The following SNTB1 variants were observed in gnomAD, a reference collection of about 807,000 sequenced individuals.
SNTB1 encodes syntrophin beta 1.
In SNTB1, 36 loss-of-function variants were observed where a neutral mutation model predicts 48.9. The ratio of observed to expected loss-of-function variants is 0.74; its 90% CI spans 0.56 to 0.97. The LOEUF is 0.97. Ranked by LOEUF, SNTB1 falls within the 50% of genes least tolerant of loss-of-function variation. The pLI, the probability that SNTB1 is intolerant of heterozygous loss-of-function variation, is 0.00. For synonymous variants in SNTB1, 299 were observed against 294.6 expected (o/e 1.01, Z -0.15); for missense variants, 786 against 703.4 (o/e 1.12, Z -1.33).
chr8:120,637,910 A>G, intron 2 of SNTB1: 1 of 226,296 alleles, frequency 4.4e-6, no homozygotes. Context: ...AAGGTAATGT[A>G]ATTTTCTAAA....
intron 1 of SNTB1, among the ~76,000 whole-genome samples, chr8:120,695,482 CA>C (rs1294726435): frequency 6.6e-6 from 1 of 152,198 alleles, no homozygotes; most frequent in East Asian, 1.9e-4. Flanking sequence ...CAGGAGGCTG[CA>C]AAGTCACTAC....
At chr8:120,687,751 T>C (rs530715336) in intron 2 of SNTB1, among the ~76,000 whole-genome samples, 120 of 152,368 alleles carry the variant, frequency 7.9e-4, no homozygotes, top group African/African-American at 2.9e-3. Context: ...TGTCTTCCAA[T>C]ACAGCCTGCT....
intron 2 of SNTB1, among the ~76,000 whole-genome samples, chr8:120,648,751 T>C (rs1293596531): frequency 6.6e-6 from 1 of 152,212 alleles, no homozygotes; most frequent in Non-Finnish European, 1.5e-5. Context: ...GGATAATATC[T>C]TGCAGAGTGT....
Position 120,636,862 on chromosome 8 carries a change from G to A in SNTB1, c.789-4211C>T, listed in dbSNP as rs148371464. 4.4e-4 allele frequency: 95 copies of A among 217,518 alleles called. No individual in the cohort carries two copies. The East Asian group carries it at 0.011, about 25-fold the overall frequency. The allele number at this position is 217,518 out of a possible 1,614,324, so 13.5% of individuals were successfully genotyped here. ...GAACTAGTTTACAGTCCCACCAACA[G>A]TGTAAAAGTAGAACTCAAGGCTTTT... On this transcript the variant is annotated intron_variant, in intron 2 of 6. Transcript: ENST00000517992.
intron 3 of SNTB1, among the ~76,000 whole-genome samples, chr8:120,603,073 T>C (rs906228962): frequency 6.6e-6 from 1 of 151,648 alleles, no homozygotes. Flanking sequence ...ATTTTCATCA[T>C]CCACCCCCCT....
intron 3 of SNTB1, among the ~76,000 whole-genome samples, chr8:120,576,099 G>A (rs1815946529): frequency 6.6e-6 from 1 of 152,186 alleles, no homozygotes; most frequent in Non-Finnish European, 1.5e-5. Context: ...CTATGTTCCA[G>A]TAGCATCAGC....
chr8:120,797,203 T>C (rs1820133077), intron 1 of SNTB1, among the ~76,000 whole-genome samples: 1 of 152,068 alleles, frequency 6.6e-6, no homozygotes. Context: ...TGTCATTTCA[T>C]ATCTGAGGCA....
At chr8:120,647,359 T>A (rs994534058) in intron 2 of SNTB1, among the ~76,000 whole-genome samples, 8 of 150,080 alleles carry the variant, frequency 5.3e-5, no homozygotes, top group Non-Finnish European at 1.0e-4. Flanking sequence ...GATTCTGGTA[T>A]GTTTTGTCTT....
chr8:120,768,144 GA>G (rs1282128987), intron 1 of SNTB1, among the ~76,000 whole-genome samples: 10 of 152,186 alleles, frequency 6.6e-5, no homozygotes, highest in Non-Finnish European at 1.5e-4. Context: ...ACTTGTCACA[GA>G]AAACAGCAGC....
At chr8:120,728,546 A>G (rs1818798455) in intron 1 of SNTB1, among the ~76,000 whole-genome samples, 1 of 152,084 alleles carries the variant, frequency 6.6e-6, no homozygotes, top group African/African-American at 2.4e-5. Context: ...TATGTCCAAA[A>G]TCACCCAATG....
chr8:120,713,365 A>G (rs1222412613), intron 1 of SNTB1, among the ~76,000 whole-genome samples: 2 of 152,132 alleles, frequency 1.3e-5, no homozygotes, highest in African/African-American at 4.8e-5. Context: ...GCACCTTTTC[A>G]GTCACCCCCA....
At chr8:120,664,756 G>C (rs1197479614) in intron 2 of SNTB1, among the ~76,000 whole-genome samples, 1 of 152,168 alleles carries the variant, frequency 6.6e-6, no homozygotes, top group Non-Finnish European at 1.5e-5. Flanking sequence ...GTTTTGTATA[G>C]ACACATAATT....
At chr8:120,567,159 G>A (rs1368037180) in intron 4 of SNTB1, among the ~76,000 whole-genome samples, 1 of 152,124 alleles carries the variant, frequency 6.6e-6, no homozygotes, top group Non-Finnish European at 1.5e-5. Flanking sequence ...TTAACCTTAT[G>A]GGGTTGTGAG....
intron 1 of SNTB1, chr8:120,769,044 G>C (rs1819575272): frequency 6.6e-6 from 1 of 152,236 alleles, no homozygotes; most frequent in Admixed American, 6.5e-5. Flanking sequence ...AGACCTGTTT[G>C]CCTCACCTGG....
At chr8:120,553,623 G>C (rs1815518251) in intron 4 of SNTB1, among the ~76,000 whole-genome samples, 1 of 152,152 alleles carries the variant, frequency 6.6e-6, no homozygotes, top group Non-Finnish European at 1.5e-5. Context: ...GGATGTTAAA[G>C]AAAAGCTTGA....
chr8:120,549,877 T>C (rs552866888), intron 4 of SNTB1, among the ~76,000 whole-genome samples: 4 of 152,360 alleles, frequency 2.6e-5, no homozygotes, highest in Non-Finnish European at 5.9e-5. Flanking sequence ...CTAGGGTATT[T>C]GCATTTTCAA....
In SNTB1 at chr8:120,536,344, A is replaced by C. The variant is rs893871002; in HGVS notation, c.*2533T>G. On this transcript the variant is annotated 3_prime_UTR_variant, in exon 7 of 7. Coordinates refer to ENST00000517992, the MANE Select transcript of SNTB1 (RefSeq NM_021021.4). ...AATTCATGGGATTGAGCACAGAGCA[A>C]ATTGGACAAAAACAAATTCCTCAAA... The C allele has an allele frequency of 2.0e-5, 3 of 152,348 alleles. No homozygotes were observed. The highest frequency in any genetic ancestry group is 6.5e-5 in the Admixed American group (1 of 15,300). The allele number at this position is 152,348 out of a possible 1,614,324, so 9.4% of individuals were successfully genotyped here.
At chr8:120,698,462 G>A (rs1326227024) in intron 1 of SNTB1, among the ~76,000 whole-genome samples, 1 of 151,840 alleles carries the variant, frequency 6.6e-6, no homozygotes, top group Non-Finnish European at 1.5e-5. Flanking sequence ...CCACACATCC[G>A]TTCTTAAAAT....
intron 2 of SNTB1, among the ~76,000 whole-genome samples, chr8:120,652,662 TG>T (rs1638822896): frequency 6.6e-6 from 1 of 152,126 alleles, no homozygotes; most frequent in South Asian, 2.1e-4. Flanking sequence ...AAAATTGAGA[TG>T]GTTGTGGTAA....
Sources: gnomAD v4.1 joint callset for allele counts (sites outside exome capture counted in the v4.1 genomes callset) on GRCh38, gnomAD v4.1.1 for gene constraint, MANE v1.5 for transcripts, NCBI Gene and HGNC (gene_info 2026-07-23, HGNC 2026-07-21) for gene names.